Variants in ADGRL2 observed in about 807,000 individuals in gnomAD.
ADGRL2 encodes adhesion G protein-coupled receptor L2, also known as calcium-independent alpha-latrotoxin receptor 2.
A neutral mutation model predicts 157.4 loss-of-function variants in ADGRL2; 44 were observed. The ratio of observed to expected loss-of-function variants is 0.28; its 90% CI spans 0.22 to 0.36. The LOEUF (loss-of-function observed/expected upper bound fraction) is 0.36, where lower values mean the gene tolerates loss of function less well. ADGRL2 is among the 10% of genes least tolerant of loss of function. The pLI, the probability that ADGRL2 is intolerant of heterozygous loss-of-function variation, is 1.00. For missense variants in ADGRL2, 1,510 were observed against 1,768.9 expected, an observed-to-expected ratio of 0.85 and a Z score of 2.63; for synonymous variants, 585 against 624.7, an observed-to-expected ratio of 0.94 and a Z score of 0.95.
chr1:81,747,328 T>C (rs1381626544), intron 1 of ADGRL2, among the ~76,000 whole-genome samples: 1 of 149,020 alleles, frequency 6.7e-6, no homozygotes, highest in African/African-American at 2.5e-5. Flanking sequence ...TGAGATGGAG[T>C]CTTGCTCTGT....
At chr1:81,982,002 C>T (rs1661799202) in intron 19 of ADGRL2, 26 bp downstream of exon 19, 2 of 1,577,008 alleles carry the variant, frequency 1.3e-6, no homozygotes. Flanking sequence ...CACCTAGGGG[C>T]TCAGGTTACT....
rs71085382 is a variant in ADGRL2, at chr1:81,993,087, A to ATTTTTTTT, written c.*1967_*1974dup. On this transcript the variant is annotated 3_prime_UTR_variant, in exon 24 of 24. Transcript: ENST00000686636. ...TATATATATATATATATATATATAT[A>ATTTTTTTT]TTTTTTTTTTTTTTTTTTTTTTTTT... Among the ~76,000 whole-genome samples, 9 of 29,200 alleles carry ATTTTTTTT rather than the reference A, an allele frequency of 3.1e-4. No homozygotes were observed. Among genetic ancestry groups the ATTTTTTTT allele is most frequent in the Non-Finnish European group, 3.3e-4 (6 of 18,336 alleles). The allele number at this position is 29,200 out of a possible 152,430, so 19.2% of individuals were successfully genotyped here.
At chr1:81,769,719 A>C (rs1386112530) in intron 2 of ADGRL2, among the ~76,000 whole-genome samples, 1 of 152,144 alleles carries the variant, frequency 6.6e-6, no homozygotes, top group East Asian at 1.9e-4. Flanking sequence ...CTACACTCAC[A>C]AAACTTGATT....
At chr1:81,805,572 C>T (rs1279672864) in intron 1 of ADGRL2, among the ~76,000 whole-genome samples, 1 of 151,398 alleles carries the variant, frequency 6.6e-6, no homozygotes, top group Non-Finnish European at 1.5e-5. Context: ...ACATTTTTAG[C>T]TTAAGTGTAA....
At chr1:81,426,432 C>T (rs549394695) in intron 1 of ADGRL2, 94 of 367,038 alleles carry the variant, frequency 2.6e-4, no homozygotes, top group African/African-American at 8.2e-4. Flanking sequence ...GAACTCGAGT[C>T]GGAAGAGGTG....
intron 1 of ADGRL2, among the ~76,000 whole-genome samples, chr1:81,724,194 C>T (rs74693566): frequency 0.072 from 10,914 of 152,040 alleles, 503 homozygotes; most frequent in Non-Finnish European, 0.1. Context: ...CTTACTTGGC[C>T]GTGAGAATGC....
intron 3 of ADGRL2, among the ~76,000 whole-genome samples, chr1:81,928,382 A>G (rs564987914): frequency 2.6e-5 from 4 of 152,194 alleles, no homozygotes; most frequent in Non-Finnish European, 4.4e-5. Flanking sequence ...TCTATTAACC[A>G]TGTTTATTTA....
chr1:81,447,585 A>G (rs2077621822), intron 2 of ADGRL2, among the ~76,000 whole-genome samples: 1 of 152,170 alleles, frequency 6.6e-6, no homozygotes, highest in African/African-American at 2.4e-5. Flanking sequence ...TTTCTGAGTC[A>G]TCTTGAGTAA....
At chr1:81,958,430 T>C (rs527724925) in intron 11 of ADGRL2, among the ~76,000 whole-genome samples, 17 of 152,250 alleles carry the variant, frequency 1.1e-4, no homozygotes, top group African/African-American at 4.1e-4. Context: ...TAAAATAGCC[T>C]ATTATTTCTC....
chr1:81,818,162 G>GA (rs35970820), intron 1 of ADGRL2, among the ~76,000 whole-genome samples: 16,140 of 150,918 alleles, frequency 0.11, 997 homozygotes, highest in Admixed American at 0.18. Flanking sequence ...AGACCTCTCA[G>GA]AAAAAAAAAT....
At position 81,518,824 on chromosome 1, in the gene ADGRL2, C is replaced by A. The variant is rs1235220772; in HGVS notation, c.-247-62052C>A. 3.3e-5 allele frequency among the ~76,000 whole-genome samples: 5 copies of A among 151,374 alleles called. No homozygotes were observed. The South Asian group carries it at 1.0e-3, about 32-fold the overall frequency. Reference sequence around the variant, plus strand: ...AAAAAAAAAAAAAAGGTATTTATCTCTTTAGTTTGTTGTGAAGATTAAATG... The same window carrying A: ...AAAAAAAAAAAAAAGGTATTTATCTATTTAGTTTGTTGTGAAGATTAAATG... On this transcript the variant is annotated intron_variant, in intron 2 of 24. Coordinates refer to the ADGRL2 transcript ENST00000370721.
At chr1:81,440,760 A>G (rs1040581687) in intron 1 of ADGRL2, among the ~76,000 whole-genome samples, 1 of 152,192 alleles carries the variant, frequency 6.6e-6, no homozygotes, top group African/African-American at 2.4e-5. Flanking sequence ...GTGAGGCTCC[A>G]AGTTTCTAAT....
At chr1:81,325,456 C>A (rs1317490127) in intron 1 of ADGRL2, among the ~76,000 whole-genome samples, 1 of 152,194 alleles carries the variant, frequency 6.6e-6, no homozygotes, top group Admixed American at 6.5e-5. Context: ...TAGGTCACTG[C>A]AGGTGTTTGG....
chr1:81,561,452 T>C (rs2080439247), intron 2 of ADGRL2, among the ~76,000 whole-genome samples: 1 of 150,010 alleles, frequency 6.7e-6, no homozygotes. Flanking sequence ...TTTTTTTTTG[T>C]TGTTGTTGTT....
chr1:81,832,762 C>G (rs1213343829), intron 1 of ADGRL2, among the ~76,000 whole-genome samples: 5 of 152,126 alleles, frequency 3.3e-5, no homozygotes, highest in Admixed American at 2.6e-4. Flanking sequence ...AAACTCAAAC[C>G]TCAAAGAATG....
intron 3 of ADGRL2, among the ~76,000 whole-genome samples, chr1:81,610,406 T>G (rs2148667180): frequency 6.6e-6 from 1 of 152,148 alleles, no homozygotes; most frequent in South Asian, 2.1e-4. Context: ...AAAGTGAGCT[T>G]GATGTGTTCA....
At chr1:81,771,758 G>A (rs1204284464) in intron 2 of ADGRL2, among the ~76,000 whole-genome samples, 1 of 151,986 alleles carries the variant, frequency 6.6e-6, no homozygotes, top group Non-Finnish European at 1.5e-5. Flanking sequence ...AAAATTCCAG[G>A]AGTATACGCC....
chr1:81,940,556 T>C (rs1647520175), intron 4 of ADGRL2, among the ~76,000 whole-genome samples: 1 of 151,692 alleles, frequency 6.6e-6, no homozygotes, highest in Admixed American at 6.6e-5. Context: ...ATGTGGAAAG[T>C]TGTATGCCAT....
intron 3 of ADGRL2, among the ~76,000 whole-genome samples, chr1:81,918,215 C>G (rs978260422): frequency 3.9e-5 from 6 of 152,110 alleles, no homozygotes; most frequent in Non-Finnish European, 8.8e-5. Flanking sequence ...AGAAATACTT[C>G]TGTTACTCAT....
Sources: allele counts gnomAD v4.1 joint callset (sites outside exome capture counted in the v4.1 genomes callset), GRCh38; gene constraint gnomAD v4.1.1; transcripts MANE v1.5; gene names NCBI Gene and HGNC (gene_info 2026-07-23, HGNC 2026-07-21).